BRWD3: variants seen among roughly 807,000 people sequenced by gnomAD.
BRWD3 encodes the protein bromodomain and WD repeat domain containing 3.
BRWD3 carries 10 observed loss-of-function variants against 149.7 expected under a neutral mutation model. That is an observed-to-expected ratio of 0.07 (90% CI 0.04 to 0.11). The LOEUF is 0.11. Ranked by LOEUF, BRWD3 falls within the 10% of genes least tolerant of loss-of-function variation. The pLI, the probability that BRWD3 is intolerant of heterozygous loss-of-function variation, is 1.00. For missense variants in BRWD3, 940 were observed against 1,373.2 expected (o/e 0.68, Z 4.99); for synonymous variants, 504 against 456.7 (o/e 1.10, Z -1.32).
chrX:80,759,988 C>T (rs770575500), intron 6 of BRWD3, among the ~76,000 whole-genome samples: 1 of 111,768 alleles, frequency 8.9e-6, no homozygotes, highest in East Asian at 2.8e-4. Flanking sequence ...CTAATCCTCA[C>T]CTTCCAATTA....
rs768828903 is a variant in BRWD3 at position 80,786,172 on chromosome X, T to A, written c.430+5682A>T. ...GTGGCCACTAGCCACATGTGGTTGC[T>A]GAATGTCAAATTACTTAAAATTAAA... is the stretch of plus-strand genomic sequence containing the variant. On this transcript the variant is annotated intron_variant, in intron 6 of 40. Coordinates refer to ENST00000373275, the MANE Select transcript of BRWD3 (RefSeq NM_153252.5). Among the ~76,000 whole-genome samples, 172 of 112,471 alleles carry A rather than the reference T, an allele frequency of 1.5e-3. 1 individual carries two copies. Among genetic ancestry groups the A allele is most frequent in the Middle Eastern group, 9.2e-3 (2 of 217 alleles).
chrX:80,791,500 T>G (rs1338415966), intron 6 of BRWD3, among the ~76,000 whole-genome samples: 2 of 111,497 alleles, frequency 1.8e-5, no homozygotes, highest in Non-Finnish European at 3.8e-5. Flanking sequence ...CATTATAATT[T>G]TGGAAAACAA....
intron 6 of BRWD3, among the ~76,000 whole-genome samples, chrX:80,775,741 C>G (rs2073994354): frequency 8.9e-6 from 1 of 112,069 alleles, no homozygotes; most frequent in Non-Finnish European, 1.9e-5. Flanking sequence ...GCTACATAGT[C>G]TTTTCATAAA....
Position 80,809,757 on chromosome X carries a change from AAAAGAGAGAGAG to A in BRWD3, c.-298_-287del, listed in dbSNP as rs1337775660. 8.5e-4 allele frequency: 69 copies of A among 81,396 alleles called. 3 individuals are homozygous for A. In the African/African-American group the frequency reaches 9.1e-3, roughly 11 times the overall value. 6.7% of individuals were successfully genotyped at this position (81,396 alleles called of 1,213,427 possible). On this transcript the variant is annotated 5_prime_UTR_variant, in exon 1 of 41. Coordinates refer to ENST00000373275, the MANE Select transcript of BRWD3 (RefSeq NM_153252.5). ...AGAGAAGAGAGAGAGAGAGAGAGGA[AAAAGAGAGAGAG>A]AGAGAGAGAGAGAGAGAGAGAGAGA...
chrX:80,743,979 G>C (rs984446808), intron 8 of BRWD3, 53 bp downstream of exon 8: 4 of 1,003,185 alleles, frequency 4.0e-6, no homozygotes, highest in Non-Finnish European at 5.6e-6. Flanking sequence ...TGAAATCAGA[G>C]AATTCTCACC....
intron 14 of BRWD3, among the ~76,000 whole-genome samples, chrX:80,728,159 T>C (rs765798710): frequency 2.9e-4 from 32 of 112,008 alleles, no homozygotes; most frequent in African/African-American, 1.0e-3. Flanking sequence ...TATGAATTGA[T>C]AGTTGAAACA....
intron 4 of BRWD3, among the ~76,000 whole-genome samples, chrX:80,803,521 C>T (rs1177995342): frequency 1.8e-5 from 2 of 112,015 alleles, no homozygotes; most frequent in African/African-American, 3.2e-5. Context: ...AGACAAATCG[C>T]TAAAGCCAAT....
chrX:80,730,490 A>C (rs1264541912), intron 12 of BRWD3, among the ~76,000 whole-genome samples: 2 of 111,288 alleles, frequency 1.8e-5, no homozygotes, highest in African/African-American at 6.5e-5. Context: ...GCAAACCTAT[A>C]AAGACAAAAA....
intron 13 of BRWD3, 52 bp downstream of exon 13, chrX:80,729,864 C>G: frequency 1.2e-6 from 1 of 821,609 alleles, no homozygotes. Context: ...CTATTAAACT[C>G]AATGTAAAAT....
rs763264620 is a variant in BRWD3 at position 80,693,392 on chromosome X, C to CT, written c.3152-342dup. ...AAATGCAGTTGATTCTTCTATCTTGCTTTTAGCTTTCTTTAAAAATCTCTT... is the reference window on the plus strand; with the variant it reads ...AAATGCAGTTGATTCTTCTATCTTGCTTTTTAGCTTTCTTTAAAAATCTCTT... On this transcript the variant is annotated intron_variant, in intron 27 of 40. Coordinates refer to ENST00000373275, the MANE Select transcript of BRWD3 (RefSeq NM_153252.5). 8.0e-5 allele frequency among the ~76,000 whole-genome samples: 9 copies of CT among 112,055 alleles called. No individual in the cohort carries two copies. In the South Asian group the frequency reaches 3.3e-3, roughly 41 times the overall value.
At chrX:80,705,864 C>A (rs1330020845) in intron 22 of BRWD3, among the ~76,000 whole-genome samples, 1 of 111,614 alleles carries the variant, frequency 9.0e-6, no homozygotes, top group African/African-American at 3.3e-5. Context: ...CTGAAAGTTG[C>A]CGTGGGTGAG....
intron 21 of BRWD3, among the ~76,000 whole-genome samples, chrX:80,708,357 C>G (rs747735762): frequency 1.9e-5 from 2 of 107,558 alleles, no homozygotes; most frequent in African/African-American, 6.8e-5. Flanking sequence ...GATTGAGCCA[C>G]TGTACTCCAG....
intron 20 of BRWD3, among the ~76,000 whole-genome samples, chrX:80,712,762 C>T (rs1460936711): frequency 1.8e-5 from 2 of 109,718 alleles, no homozygotes; most frequent in African/African-American, 6.6e-5. Context: ...TGCCCTGCCG[C>T]CCCGTCTGGG....
intron 6 of BRWD3, among the ~76,000 whole-genome samples, chrX:80,784,820 T>C (rs2074092356): frequency 8.9e-6 from 1 of 112,000 alleles, no homozygotes; most frequent in African/African-American, 3.3e-5. Flanking sequence ...ATGTCTTTGC[T>C]ATTGTGAATA....
At chrX:80,808,623 G>C (rs369163037) in intron 3 of BRWD3, 25 bp from the exon 4 acceptor site, 5 of 1,186,520 alleles carry the variant, frequency 4.2e-6, no homozygotes, top group Non-Finnish European at 5.7e-6. Flanking sequence ...AAAAGAAAGG[G>C]GGAAGCGGAG....
chrX:80,729,433 C>T (rs762490248), intron 13 of BRWD3, among the ~76,000 whole-genome samples: 1 of 110,378 alleles, frequency 9.1e-6, no homozygotes, highest in Non-Finnish European at 1.9e-5. Context: ...CTGTAGTGTC[C>T]CAAAGAGGTA....
intron 37 of BRWD3, among the ~76,000 whole-genome samples, chrX:80,683,055 T>C (rs1005010706): frequency 6.3e-5 from 7 of 111,481 alleles, no homozygotes; most frequent in African/African-American, 1.6e-4. Context: ...TCATGTAAAA[T>C]GGATAACTGG....
chrX:80,717,420 G>A (rs947818284), intron 19 of BRWD3, 153 bp downstream of exon 19: 4 of 514,563 alleles, frequency 7.8e-6, no homozygotes, highest in Admixed American at 6.9e-5. Context: ...TATTTGTTAC[G>A]AAGTGAACTC....
intron 20 of BRWD3, chrX:80,709,882 C>A (rs1331542343): frequency 3.3e-6 from 2 of 602,472 alleles, no homozygotes; most frequent in Admixed American, 5.4e-5. Context: ...ACTTCTTGAT[C>A]CTCAGTTTTG....
Sources: gnomAD v4.1 joint callset for allele counts (sites outside exome capture counted in the v4.1 genomes callset) on GRCh38, gnomAD v4.1.1 for gene constraint, MANE v1.5 for transcripts, NCBI Gene and HGNC (gene_info 2026-07-23, HGNC 2026-07-21) for gene names.